MTMR8: variants seen among roughly 807,000 people sequenced by gnomAD.
MTMR8 encodes phosphatidylinositol-3,5-bisphosphate 3-phosphatase MTMR8.
In MTMR8, 65 loss-of-function variants were observed where a neutral mutation model predicts 39.3. The observed-to-expected ratio is 1.65, with a 90% CI of 1.35 to 2.03. The LOEUF is 2.03. MTMR8 is among the 30% of genes most tolerant of loss of function. The pLI is 0.00. For missense variants in MTMR8, 777 were observed against 538.9 expected (o/e 1.44, Z -4.37); for synonymous variants, 245 against 185.2 (o/e 1.32, Z -2.62).
rs1279987454 is a variant in MTMR8, at chrX:64,343,617, A to C, written c.969T>G (p.Ile323Met). The change falls in exon 8 of 14, where the codon ATT becomes ATG. Residue 323 changes from isoleucine to methionine, a missense_variant. By Grantham distance (10) the Ile-to-Met change is conservative. Coordinates refer to ENST00000374852, the MANE Select transcript of MTMR8 (RefSeq NM_017677.4). ...IKAIMDAGIFITKAVKVEKAS... is the reference protein window; with the variant it reads ...IKAIMDAGIFMTKAVKVEKAS... ...TAAAAGTCCTGATTATTACCTTTGTAATGAAAATTCCAGCATCCATAATAG... is the reference window on the plus strand; with the variant it reads ...TAAAAGTCCTGATTATTACCTTTGTCATGAAAATTCCAGCATCCATAATAG... 5 of 1,178,583 alleles carry C rather than the reference A, an allele frequency of 4.2e-6. No individual in the cohort carries two copies. The highest frequency in any genetic ancestry group is 5.8e-6 in the Non-Finnish European group (5 of 868,148).
intron 12 of MTMR8, among the ~76,000 whole-genome samples, chrX:64,307,609 G>A (rs189640245): frequency 9.0e-6 from 1 of 111,561 alleles, no homozygotes; most frequent in Admixed American, 9.6e-5. Context: ...CCATATAAAT[G>A]TCTTGAAATT....
At chrX:64,299,782 T>C (rs1356867725) in intron 12 of MTMR8, among the ~76,000 whole-genome samples, 1 of 101,186 alleles carries the variant, frequency 9.9e-6, no homozygotes, top group African/African-American at 3.6e-5. Flanking sequence ...ATGTTGTGTC[T>C]TTGTTCTCGT....
At chrX:64,305,008 G>A (rs1291422400) in intron 12 of MTMR8, 4 of 144,434 alleles carry the variant, frequency 2.8e-5, no homozygotes, top group Non-Finnish European at 4.2e-5. Context: ...ATGTATGTAT[G>A]TATATAAATT....
intron 1 of MTMR8, among the ~76,000 whole-genome samples, chrX:64,382,612 T>C (rs1488301836): frequency 9.0e-6 from 1 of 111,380 alleles, no homozygotes; most frequent in East Asian, 2.8e-4. Context: ...TCCTGCCTGA[T>C]TGCTCTGGTC....
At chrX:64,327,902 A>G (rs147384468) in intron 12 of MTMR8, among the ~76,000 whole-genome samples, 1,759 of 112,474 alleles carry the variant, frequency 0.016, 31 homozygotes, top group African/African-American at 0.054. Context: ...GTTGGAGAAC[A>G]TTATGTTAAG....
At chrX:64,269,897 A>G (rs1282638917) in intron 13 of MTMR8, among the ~76,000 whole-genome samples, 2 of 111,699 alleles carry the variant, frequency 1.8e-5, no homozygotes, top group African/African-American at 3.3e-5. Flanking sequence ...ACACATACAC[A>G]CTTCAAAAGG....
intron 1 of MTMR8, among the ~76,000 whole-genome samples, chrX:64,373,958 T>C (rs190282499): frequency 2.2e-3 from 242 of 112,021 alleles, no homozygotes; most frequent in Non-Finnish European, 3.8e-3. Flanking sequence ...GCCAGATATC[T>C]TGATGTTCAC....
chrX:64,343,408 T>C (rs766880802), intron 8 of MTMR8, among the ~76,000 whole-genome samples: 2 of 111,934 alleles, frequency 1.8e-5, no homozygotes, highest in Non-Finnish European at 3.8e-5. Context: ...CATTAGATTA[T>C]AGTTCAACCA....
At chrX:64,284,492 C>T (rs766061666) in intron 12 of MTMR8, among the ~76,000 whole-genome samples, 5 of 110,994 alleles carry the variant, frequency 4.5e-5, no homozygotes, top group African/African-American at 6.6e-5. Flanking sequence ...AGATACTCTT[C>T]GAGAAGAGCA....
intron 12 of MTMR8, among the ~76,000 whole-genome samples, chrX:64,291,467 T>TG (rs1242143150): frequency 1.8e-5 from 2 of 110,927 alleles, no homozygotes; most frequent in Non-Finnish European, 3.8e-5. Context: ...CCTCCCCTTC[T>TG]GCGTGCTGGC....
At chrX:64,290,856 C>G (rs1229617799) in intron 12 of MTMR8, among the ~76,000 whole-genome samples, 2 of 111,778 alleles carry the variant, frequency 1.8e-5, no homozygotes, top group Non-Finnish European at 3.8e-5. Context: ...AACCCTTTAC[C>G]TGTTGAAGGA....
chrX:64,284,891 C>T (rs751568481), intron 12 of MTMR8, among the ~76,000 whole-genome samples: 11 of 112,039 alleles, frequency 9.8e-5, no homozygotes, highest in Non-Finnish European at 1.9e-4. Context: ...TAAAGACCAT[C>T]GAAGCTAGGA....
In MTMR8 at chrX:64,335,816, C is replaced by G. The variant is rs1235486788; in HGVS notation, c.1151+263G>C. On this transcript the variant is annotated intron_variant, in intron 10 of 13. Transcript: ENST00000374852. ...TGTTAAGCACTTTTCCTTCTGTAGC[C>G]TGTGATGCCTTGTTCTTCCTTGAAA... Among the ~76,000 whole-genome samples the G allele has an allele frequency of 2.7e-5, 3 of 112,150 alleles. No individual in the cohort carries two copies. In the East Asian group the frequency reaches 8.4e-4, roughly 31 times the overall value.
intron 13 of MTMR8, among the ~76,000 whole-genome samples, chrX:64,269,543 C>T (rs951050719): frequency 1.8e-5 from 2 of 111,145 alleles, no homozygotes; most frequent in African/African-American, 6.6e-5. Context: ...TATGACCTGT[C>T]GTCTACATCA....
chrX:64,382,154 A>T (rs147400753), intron 1 of MTMR8, among the ~76,000 whole-genome samples: 1 of 110,771 alleles, frequency 9.0e-6, no homozygotes, highest in South Asian at 3.8e-4. Flanking sequence ...TCATTGGTAG[A>T]TTGATGGGGA....
intron 12 of MTMR8, chrX:64,306,319 A>G (rs886522155): frequency 1.0e-5 from 3 of 296,665 alleles, no homozygotes; most frequent in African/African-American, 2.7e-5. Context: ...GAGGTTCTAG[A>G]TGCAGTGTTT....
chrX:64,270,941 C>T lies in MTMR8; in HGVS notation c.1608+6G>A. 5 of 1,207,872 alleles carry T rather than the reference C, an allele frequency of 4.1e-6. No individual in the cohort carries two copies. The highest frequency in any genetic ancestry group is 5.6e-6 in the Non-Finnish European group (5 of 893,975). ...GAAGATCTCTCTTTGGGACTTTTCTCCTCACCTTTTCTAGTTCATGCACAT... is the reference window on the plus strand; with the variant it reads ...GAAGATCTCTCTTTGGGACTTTTCTTCTCACCTTTTCTAGTTCATGCACAT... On this transcript the variant is annotated splice_donor_region_variant and intron_variant, in intron 13 of 13. Transcript: ENST00000374852.
chrX:64,301,094 T>A (rs1310560442), intron 12 of MTMR8, among the ~76,000 whole-genome samples: 2 of 106,776 alleles, frequency 1.9e-5, no homozygotes, highest in African/African-American at 3.4e-5. Context: ...TGTGGCGTTC[T>A]CTGTATTTCC....
chrX:64,352,172 C>A (rs1923503553), intron 4 of MTMR8, among the ~76,000 whole-genome samples: 1 of 111,141 alleles, frequency 9.0e-6, no homozygotes, highest in Non-Finnish European at 1.9e-5. Flanking sequence ...CAATAGAATC[C>A]CTGAGCACTT....
Sources: allele counts gnomAD v4.1 joint callset (sites outside exome capture counted in the v4.1 genomes callset), GRCh38; gene constraint gnomAD v4.1.1; transcripts MANE v1.5; gene names NCBI Gene and HGNC (gene_info 2026-07-23, HGNC 2026-07-21).